Variants in NFIL3 observed in about 807,000 individuals in gnomAD.
NFIL3 encodes nuclear factor, interleukin 3 regulated, also known as nuclear factor interleukin-3-regulated protein.
A neutral mutation model predicts 10.0 loss-of-function variants in NFIL3; 5 were observed. The ratio of observed to expected loss-of-function variants is 0.50; its 90% CI spans 0.26 to 1.06. The LOEUF (loss-of-function observed/expected upper bound fraction) is 1.06, where lower values mean the gene tolerates loss of function less well. Ranked by LOEUF, NFIL3 falls within the 50% of genes least tolerant of loss-of-function variation. NFIL3 has a pLI of 0.13. For missense variants in NFIL3, 436 were observed against 547.6 expected, an observed-to-expected ratio of 0.80 and a Z score of 2.03; for synonymous variants, 202 against 206.5, an observed-to-expected ratio of 0.98 and a Z score of 0.19.
At position 91,409,101 on chromosome 9, in the gene NFIL3, GAAC is replaced by G. The variant is rs1833485846; in HGVS notation, c.*242_*244del. The G allele has an allele frequency of 2.5e-6, 1 of 398,566 alleles. No individual in the cohort carries two copies. The highest frequency in any genetic ancestry group is 2.0e-5 in the African/African-American group (1 of 48,958). 24.7% of individuals were successfully genotyped at this position (398,566 alleles called of 1,614,324 possible). A position where few individuals can be genotyped will look rare whatever the true frequency, so the allele number is the denominator to read the frequency against. ...CTGGTAACTTACACACTTTATAATA[GAAC>G]AACAAAAATAATGTTCAATATATAC... is the stretch of plus-strand genomic sequence containing the variant. On this transcript the variant is annotated 3_prime_UTR_variant, in exon 2 of 2. Transcript: ENST00000297689.
chr9:91,414,272 T>G (rs1159533935), intron 1 of NFIL3, among the ~76,000 whole-genome samples: 1 of 152,210 alleles, frequency 6.6e-6, no homozygotes, highest in Non-Finnish European at 1.5e-5. Context: ...GGTACGATCT[T>G]GGCTCACCGC....
At chr9:91,412,984 CTTT>C (rs1446020343) in intron 1 of NFIL3, among the ~76,000 whole-genome samples, 1 of 151,944 alleles carries the variant, frequency 6.6e-6, no homozygotes, top group Non-Finnish European at 1.5e-5. Flanking sequence ...CTTCTTTTGT[CTTT>C]TCCAGGGAAT....
chr9:91,432,562 C>G, the NFIL3 span, among the ~76,000 whole-genome samples: 1 of 152,218 alleles, frequency 6.6e-6, no homozygotes, highest in African/African-American at 2.4e-5. Context: ...AAAGATGACT[C>G]TCAGTCTTGC....
At chr9:91,468,363 C>T in the NFIL3 span, among the ~76,000 whole-genome samples, 21 of 152,252 alleles carry the variant, frequency 1.4e-4, no homozygotes, top group African/African-American at 3.9e-4. Flanking sequence ...TCACATCCTT[C>T]GCCCACTTTT....
the NFIL3 span, among the ~76,000 whole-genome samples, chr9:91,457,391 T>C: frequency 6.6e-6 from 1 of 152,046 alleles, no homozygotes; most frequent in African/African-American, 2.4e-5. Context: ...ATCGCTGTTA[T>C]TTATTTATTT....
chr9:91,412,878 A>C (rs537638439), intron 1 of NFIL3, among the ~76,000 whole-genome samples: 75 of 152,002 alleles, frequency 4.9e-4, no homozygotes, highest in African/African-American at 1.7e-3. Flanking sequence ...AAAAGATGTA[A>C]TGTTCTTACA....
the NFIL3 span, among the ~76,000 whole-genome samples, chr9:91,480,496 T>A: frequency 6.6e-6 from 1 of 152,138 alleles, no homozygotes. Context: ...TAGAAAAAAA[T>A]GTTAAATTCC....
intron 1 of NFIL3, among the ~76,000 whole-genome samples, chr9:91,421,000 T>TGTG (rs1475903274): frequency 6.6e-6 from 1 of 152,142 alleles, no homozygotes; most frequent in African/African-American, 2.4e-5. Context: ...CCCCAATTTC[T>TGTG]GTGGCCGGTG....
the NFIL3 span, among the ~76,000 whole-genome samples, chr9:91,442,338 G>A: frequency 2.6e-5 from 4 of 152,106 alleles, no homozygotes; most frequent in African/African-American, 9.7e-5. Context: ...GTTATACATG[G>A]CACGATGCTT....
chr9:91,464,574 G>A, the NFIL3 span, among the ~76,000 whole-genome samples: 7 of 151,994 alleles, frequency 4.6e-5, no homozygotes, highest in African/African-American at 7.2e-5. Context: ...AATATAAAAT[G>A]TTTTATTTTG....
At chr9:91,452,867 A>G in the NFIL3 span, among the ~76,000 whole-genome samples, 20 of 150,920 alleles carry the variant, frequency 1.3e-4, no homozygotes, top group East Asian at 2.4e-3. Flanking sequence ...AGGCTGTGTC[A>G]TAGATATATT....
the NFIL3 span, among the ~76,000 whole-genome samples, chr9:91,441,369 A>G: frequency 1.3e-5 from 2 of 152,100 alleles, no homozygotes; most frequent in African/African-American, 4.8e-5. Flanking sequence ...ATCTTCTTCT[A>G]TCCTCTTACT....
intron 1 of NFIL3, among the ~76,000 whole-genome samples, chr9:91,421,081 T>TGAAGACTCTTG (rs1833755053): frequency 6.6e-6 from 1 of 152,124 alleles, no homozygotes; most frequent in South Asian, 2.1e-4. Flanking sequence ...CGAAATACAA[T>TGAAGACTCTTG]GAAGACTCTT....
intron 1 of NFIL3, among the ~76,000 whole-genome samples, chr9:91,417,242 T>C (rs1173997353): frequency 6.6e-6 from 1 of 151,886 alleles, no homozygotes; most frequent in African/African-American, 2.4e-5. Context: ...CTCTACTCTC[T>C]GAATGTATTG....
At chr9:91,434,777 C>G in the NFIL3 span, among the ~76,000 whole-genome samples, 5 of 152,098 alleles carry the variant, frequency 3.3e-5, no homozygotes, top group African/African-American at 1.2e-4. Flanking sequence ...ATCAAGTGCA[C>G]CTAGACTTCA....
chr9:91,467,463 C>T, the NFIL3 span, among the ~76,000 whole-genome samples: 1 of 151,994 alleles, frequency 6.6e-6, no homozygotes, highest in African/African-American at 2.4e-5. Context: ...TGTATATTAA[C>T]CATGTATACT....
At chr9:91,476,390 T>C in the NFIL3 span, among the ~76,000 whole-genome samples, 1 of 152,082 alleles carries the variant, frequency 6.6e-6, no homozygotes, top group East Asian at 1.9e-4. Flanking sequence ...CTGACCAACA[T>C]GGCAAAACCC....
upstream of NFIL3, among the ~76,000 whole-genome samples, chr9:91,427,540 T>C (rs1833884309): frequency 6.6e-6 from 1 of 152,206 alleles, no homozygotes; most frequent in Admixed American, 6.5e-5. Flanking sequence ...CACTGTAGTA[T>C]GTTTATGGAC....
At chr9:91,454,107 G>A in the NFIL3 span, among the ~76,000 whole-genome samples, 7 of 150,492 alleles carry the variant, frequency 4.7e-5, no homozygotes. Context: ...GGTGGCGCAT[G>A]CCTGTAGTCC....
Sources: gnomAD v4.1 joint callset for allele counts (sites outside exome capture counted in the v4.1 genomes callset) on GRCh38, gnomAD v4.1.1 for gene constraint, MANE v1.5 for transcripts, NCBI Gene and HGNC (gene_info 2026-07-23, HGNC 2026-07-21) for gene names.